The following SLC35D1 variants were observed in gnomAD, a reference collection of about 807,000 sequenced individuals.
SLC35D1 encodes solute carrier family 35 member D1.
In SLC35D1, 31 loss-of-function variants were observed where a neutral mutation model predicts 46.7. The observed-to-expected ratio is 0.66, with a 90% confidence interval of 0.50 to 0.90. SLC35D1 has a LOEUF of 0.90. Ranked by LOEUF, SLC35D1 falls within the 40% of genes least tolerant of loss-of-function variation. The probability of loss-of-function intolerance (pLI) is 0.00; values close to 1 mark genes in which losing one functional copy is unlikely to be tolerated. For missense variants in SLC35D1, 397 were observed against 426.2 expected (o/e 0.93, Z 0.60); for synonymous variants, 195 against 164.6 (o/e 1.18, Z -1.41).
At chr1:66,978,407 G>A in the SLC35D1 span, among the ~76,000 whole-genome samples, 5 of 152,144 alleles carry the variant, frequency 3.3e-5, no homozygotes, top group Non-Finnish European at 7.3e-5. Flanking sequence ...GGACAATGGA[G>A]TGTGTACATC....
At chr1:67,032,133 T>C in intron 8 of SLC35D1, 2 of 971,632 alleles carry the variant, frequency 2.1e-6, no homozygotes, top group Middle Eastern at 1.1e-3. Context: ...TAAACAAAGA[T>C]GCTTCTTAGG....
Position 67,009,065 on chromosome 1 carries a change from A to C in SLC35D1, c.959+20T>G, listed in dbSNP as rs1289618755. The C allele has an allele frequency of 8.2e-7, 1 of 1,219,878 alleles. No homozygotes were observed. The highest frequency in any genetic ancestry group is 1.7e-5 in the Admixed American group (1 of 58,570). 75.6% of individuals were successfully genotyped at this position (1,219,878 alleles called of 1,614,324 possible). On this transcript the variant is annotated intron_variant, in intron 11 of 11. Transcript: ENST00000235345. ...ATATCCAATTCCGATTTTGCAATTT[A>C]ATTAAATATTTTTACTTACCTGATA... is the stretch of plus-strand genomic sequence containing the variant.
chr1:67,000,868 T>C lies in SLC35D1; in HGVS notation c.*3472A>G, dbSNP rs547269205. 9 of 152,416 alleles carry C rather than the reference T, an allele frequency of 5.9e-5. No individual in the cohort carries two copies. The South Asian group carries it at 1.9e-3, about 32-fold the overall frequency. The allele number at this position is 152,416 out of a possible 1,614,324, so 9.4% of individuals were successfully genotyped here. On this transcript the variant is annotated 3_prime_UTR_variant, in exon 12 of 12. Coordinates refer to ENST00000235345, the MANE Select transcript of SLC35D1 (RefSeq NM_015139.3). ...ATCTCAGAGCTAGAAGATTAACTAATATGAGTTACAAAAGTCCTCTCGGAT... is the reference window on the plus strand; with the variant it reads ...ATCTCAGAGCTAGAAGATTAACTAACATGAGTTACAAAAGTCCTCTCGGAT...
chr1:67,039,940 A>G (rs1201207882), intron 8 of SLC35D1, among the ~76,000 whole-genome samples: 1 of 151,906 alleles, frequency 6.6e-6, no homozygotes, highest in Non-Finnish European at 1.5e-5. Flanking sequence ...GGAGGTGGCT[A>G]GTTTTCTGCA....
chr1:67,023,417 A>G (rs1667851233), intron 8 of SLC35D1, among the ~76,000 whole-genome samples: 1 of 151,658 alleles, frequency 6.6e-6, no homozygotes. Context: ...GACTATCAAT[A>G]TTGAGTATCT....
chr1:66,990,457 G>A, the SLC35D1 span, among the ~76,000 whole-genome samples: 3 of 152,116 alleles, frequency 2.0e-5, no homozygotes, highest in East Asian at 5.8e-4. Flanking sequence ...TTTGTAGACA[G>A]GGTTTTGCTG....
At chr1:67,044,851 A>T (rs1216762829) in intron 7 of SLC35D1, among the ~76,000 whole-genome samples, 1 of 152,214 alleles carries the variant, frequency 6.6e-6, no homozygotes, top group Non-Finnish European at 1.5e-5. Flanking sequence ...CTGCCTATGG[A>T]GTAGCCATTC....
In SLC35D1 at chr1:67,047,296, C is replaced by G. The variant is rs1460728536; in HGVS notation, c.605G>C (p.Gly202Ala). 3.1e-6 allele frequency: 5 copies of G among 1,613,290 alleles called. No homozygotes were observed. Among genetic ancestry groups the G allele is most frequent in the Non-Finnish European group, 4.2e-6 (5 of 1,179,882 alleles). ...LINDVLTAAN[G>A]AYVKQKLDSK... is the part of the protein sequence containing the mutation. The stretch of plus-strand genomic sequence containing the variant: ...ATCTAATTTTTGTTTTACGTATGCA[C>G]CATTTGCTGCTGTTAGGACATCGTT... Residue 202 changes from glycine (G) to alanine (A), a missense_variant, in exon 7 of 12, where the codon GGT (glycine) becomes GCT (alanine). Coordinates refer to ENST00000235345, the MANE Select transcript of SLC35D1 (RefSeq NM_015139.3).
chr1:66,986,058 G>A, the SLC35D1 span: 14 of 1,015,454 alleles, frequency 1.4e-5, no homozygotes, highest in East Asian at 9.5e-5. Context: ...AAACAGAGGA[G>A]GGGGGTCAAG....
chr1:67,044,153 T>C (rs955529692), intron 7 of SLC35D1, among the ~76,000 whole-genome samples: 6 of 151,998 alleles, frequency 3.9e-5, no homozygotes, highest in Non-Finnish European at 5.9e-5. Context: ...CTGGCCAACA[T>C]AGAGTAACCC....
rs190914514 is a variant in SLC35D1 at position 67,001,327 on chromosome 1, A to G, written c.*3013T>C. On this transcript the variant is annotated 3_prime_UTR_variant, in exon 12 of 12. Coordinates refer to ENST00000235345, the MANE Select transcript of SLC35D1 (RefSeq NM_015139.3). ...GTAAATGCACTTTTTAAAAAAAAAA[A>G]CTAGGTGCAAACTGGAGCCTACAAA... 49 of 152,424 alleles carry G rather than the reference A, an allele frequency of 3.2e-4. No homozygotes were observed. The highest frequency in any genetic ancestry group is 1.1e-3 in the African/African-American group (47 of 41,544). 9.4% of individuals were successfully genotyped at this position (152,424 alleles called of 1,614,324 possible).
chr1:67,021,688 G>A (rs1667801840), intron 8 of SLC35D1, 86 bp from the exon 9 acceptor site: 2 of 913,432 alleles, frequency 2.2e-6, no homozygotes, highest in African/African-American at 1.7e-5. Context: ...CTACGAGTCT[G>A]CCTCCAACAC....
chr1:67,035,153 T>C (rs1047016891), intron 8 of SLC35D1, among the ~76,000 whole-genome samples: 29 of 151,966 alleles, frequency 1.9e-4, no homozygotes, highest in African/African-American at 3.9e-4. Context: ...TGTGCGCGCG[T>C]GTGTGTGTGT....
At chr1:67,021,502 A>G (rs769013056) in intron 9 of SLC35D1, 33 bp downstream of exon 9, 19 of 1,610,470 alleles carry the variant, frequency 1.2e-5, no homozygotes, top group African/African-American at 4.0e-5. Context: ...TTCTTTAGGA[A>G]AACTATCTGC....
chr1:67,036,806 A>T (rs1570633752), intron 8 of SLC35D1, among the ~76,000 whole-genome samples: 1 of 151,988 alleles, frequency 6.6e-6, no homozygotes, highest in East Asian at 1.9e-4. Context: ...CTGTTAAGTA[A>T]GGATTTGCTC....
At chr1:66,981,417 A>G in the SLC35D1 span, among the ~76,000 whole-genome samples, 4 of 152,088 alleles carry the variant, frequency 2.6e-5, no homozygotes, top group African/African-American at 9.7e-5. Context: ...AATTCAATCT[A>G]TGTTTGTACA....
Position 67,002,196 on chromosome 1 carries a change from T to C in SLC35D1, c.*2144A>G, listed in dbSNP as rs985572710. 2.0e-5 allele frequency: 3 copies of C among 152,490 alleles called. No individual in the cohort carries two copies. Among genetic ancestry groups the C allele is most frequent in the African/African-American group, 7.2e-5 (3 of 41,578 alleles). The allele number at this position is 152,490 out of a possible 1,614,324, so 9.4% of individuals were successfully genotyped here. On this transcript the variant is annotated 3_prime_UTR_variant, in exon 12 of 12. Transcript: ENST00000235345. ...TGTACCTAAGCAAAACCAGGAAGTG[T>C]TGGCAACATTTACAGCCAGAAGTGC...
intron 10 of SLC35D1, among the ~76,000 whole-genome samples, chr1:67,010,165 T>A (rs1457141818): frequency 6.6e-6 from 1 of 151,988 alleles, no homozygotes; most frequent in East Asian, 1.9e-4. Context: ...ATGGGAGCAA[T>A]AGACACTGAG....
At chr1:67,018,690 T>C (rs1667735122) in intron 10 of SLC35D1, among the ~76,000 whole-genome samples, 1 of 152,194 alleles carries the variant, frequency 6.6e-6, no homozygotes, top group Non-Finnish European at 1.5e-5. Context: ...CCCACCATGC[T>C]GAAGAGAAAA....
Sources: allele counts gnomAD v4.1 joint callset (sites outside exome capture counted in the v4.1 genomes callset), GRCh38; gene constraint gnomAD v4.1.1; transcripts MANE v1.5; gene names NCBI Gene and HGNC (gene_info 2026-07-23, HGNC 2026-07-21).